CDYL2: variants seen among roughly 807,000 people sequenced by gnomAD.
The protein encoded by CDYL2 is chromodomain Y like 2, also known as chromodomain Y-like protein 2.
Under a neutral mutation model 49.4 loss-of-function variants are expected in CDYL2, and 23 were observed. The observed-to-expected ratio is 0.47, with a 90% CI of 0.34 to 0.66. The LOEUF (loss-of-function observed/expected upper bound fraction) is 0.66, where lower values mean the gene tolerates loss of function less well. CDYL2 is among the 30% of genes least tolerant of loss of function. The pLI is 0.01. For missense variants in CDYL2, 678 were observed against 656.4 expected (o/e 1.03, Z -0.36); for synonymous variants, 360 against 268.8 (o/e 1.34, Z -3.32).
chr16:80,794,303 G>A (rs1470869541), intron 1 of CDYL2, among the ~76,000 whole-genome samples: 1 of 152,122 alleles, frequency 6.6e-6, no homozygotes, highest in Non-Finnish European at 1.5e-5. Flanking sequence ...GTATTTGACT[G>A]GGGTGACTGT....
At chr16:80,615,254 G>A (rs556715972) in intron 4 of CDYL2, among the ~76,000 whole-genome samples, 26 of 152,258 alleles carry the variant, frequency 1.7e-4, no homozygotes, top group African/African-American at 6.3e-4. Flanking sequence ...TTTTCGGTTA[G>A]GTCACTGGTT....
chr16:80,750,875 C>T (rs1383055073), intron 1 of CDYL2, among the ~76,000 whole-genome samples: 2 of 152,190 alleles, frequency 1.3e-5, no homozygotes, highest in African/African-American at 4.8e-5. Flanking sequence ...AAAAAACTAG[C>T]CAGGCGTGGT....
chr16:80,752,053 T>C (rs1018691946), intron 1 of CDYL2, among the ~76,000 whole-genome samples: 1 of 151,892 alleles, frequency 6.6e-6, no homozygotes, highest in African/African-American at 2.4e-5. Flanking sequence ...AATTGTCAAA[T>C]ATAACCTTTA....
intron 2 of CDYL2, among the ~76,000 whole-genome samples, chr16:80,674,125 G>T (rs1909644072): frequency 6.6e-6 from 1 of 152,184 alleles, no homozygotes; most frequent in African/African-American, 2.4e-5. Context: ...AGCAGCCATA[G>T]GGAACTAATA....
chr16:80,604,351 C>T lies in CDYL2; in HGVS notation c.*37G>A, dbSNP rs1197694288. On this transcript the variant is annotated 3_prime_UTR_variant, in exon 7 of 7. Transcript: ENST00000570137. ...GTGCTCTGGTTTCCGAAACACAGGG[C>T]AGAGCTGGAAGTTGGGGGCCCGTGA... is the stretch of plus-strand genomic sequence containing the variant. 16 of 1,612,454 alleles carry T rather than the reference C, an allele frequency of 9.9e-6. No individual in the cohort carries two copies. The Admixed American group carries it at 1.5e-4, about 15-fold the overall frequency.
chr16:80,725,850 C>G (rs1905147026), intron 1 of CDYL2, among the ~76,000 whole-genome samples: 1 of 152,040 alleles, frequency 6.6e-6, no homozygotes, highest in Non-Finnish European at 1.5e-5. Flanking sequence ...CCATTTTTTT[C>G]AAATTCTCAC....
intron 1 of CDYL2, among the ~76,000 whole-genome samples, chr16:80,802,933 C>T (rs188076202): frequency 2.2e-3 from 330 of 152,298 alleles, no homozygotes; most frequent in African/African-American, 7.7e-3. Context: ...CTCAATGGAG[C>T]CCCAAAGCCT....
At chr16:80,675,819 G>T (rs562236498) in intron 2 of CDYL2, among the ~76,000 whole-genome samples, 2 of 152,036 alleles carry the variant, frequency 1.3e-5, no homozygotes, top group Non-Finnish European at 2.9e-5. Context: ...TTGCTCCTGG[G>T]GAGGATCGCT....
intron 1 of CDYL2, among the ~76,000 whole-genome samples, chr16:80,688,796 G>A (rs1465260983): frequency 2.0e-5 from 3 of 152,174 alleles, no homozygotes; most frequent in Non-Finnish European, 4.4e-5. Flanking sequence ...AGCCCAAGTC[G>A]TTTAGGACTT....
At chr16:80,637,609 C>A (rs1174701946) in intron 2 of CDYL2, among the ~76,000 whole-genome samples, 1 of 152,176 alleles carries the variant, frequency 6.6e-6, no homozygotes, top group Non-Finnish European at 1.5e-5. Context: ...AGACAAAAGT[C>A]AGTTACTTTT....
intron 4 of CDYL2, among the ~76,000 whole-genome samples, chr16:80,616,042 C>T (rs139088088): frequency 6.6e-6 from 1 of 152,350 alleles, no homozygotes; most frequent in Non-Finnish European, 1.5e-5. Flanking sequence ...ACCTGACCCA[C>T]ACAGCTTCCT....
chr16:80,690,624 C>T (rs983052260), intron 1 of CDYL2, among the ~76,000 whole-genome samples: 2 of 152,212 alleles, frequency 1.3e-5, no homozygotes, highest in African/African-American at 4.8e-5. Flanking sequence ...TCGGCGACCA[C>T]ATTATATACA....
At chr16:80,777,888 CAA>C (rs1027109530) in intron 1 of CDYL2, among the ~76,000 whole-genome samples, 1 of 151,502 alleles carries the variant, frequency 6.6e-6, no homozygotes, top group African/African-American at 2.4e-5. Context: ...TTAGCACATA[CAA>C]AAAAAGAGAT....
intron 1 of CDYL2, among the ~76,000 whole-genome samples, chr16:80,776,301 T>C (rs1040793074): frequency 2.6e-5 from 4 of 152,040 alleles, no homozygotes; most frequent in South Asian, 4.1e-4. Flanking sequence ...CTGAAAAGAA[T>C]AGATGTTTTG....
intron 5 of CDYL2, among the ~76,000 whole-genome samples, chr16:80,611,367 C>T (rs866244462): frequency 5.3e-5 from 8 of 152,092 alleles, no homozygotes; most frequent in African/African-American, 1.2e-4. Context: ...AGATGGGACC[C>T]GTGCTTATGA....
At chr16:80,690,469 C>T (rs976569148) in intron 1 of CDYL2, among the ~76,000 whole-genome samples, 2 of 152,156 alleles carry the variant, frequency 1.3e-5, no homozygotes, top group African/African-American at 4.8e-5. Flanking sequence ...ATTAACTCTC[C>T]AAAATAACCC....
intron 1 of CDYL2, among the ~76,000 whole-genome samples, chr16:80,781,121 T>A (rs1318513771): frequency 6.6e-6 from 1 of 152,128 alleles, no homozygotes; most frequent in Admixed American, 6.5e-5. Context: ...AGGCTAAAAG[T>A]GGCAGAGTGA....
chr16:80,743,439 T>C (rs1200801824), intron 1 of CDYL2, among the ~76,000 whole-genome samples: 1 of 152,224 alleles, frequency 6.6e-6, no homozygotes, highest in East Asian at 1.9e-4. Flanking sequence ...GCCCCACAGC[T>C]GTCTGCAGTG....
intron 1 of CDYL2, among the ~76,000 whole-genome samples, chr16:80,690,453 C>T (rs1449041974): frequency 6.6e-6 from 1 of 152,154 alleles, no homozygotes; most frequent in Non-Finnish European, 1.5e-5. Context: ...TACTTGATCC[C>T]TATACATTAA....
Sources: gnomAD v4.1 joint callset for allele counts (sites outside exome capture counted in the v4.1 genomes callset) on GRCh38, gnomAD v4.1.1 for gene constraint, MANE v1.5 for transcripts, NCBI Gene and HGNC (gene_info 2026-07-23, HGNC 2026-07-21) for gene names.